PTPRN2: variants seen among roughly 807,000 people sequenced by gnomAD.
PTPRN2 encodes protein tyrosine phosphatase receptor type N2, also known as receptor-type tyrosine-protein phosphatase N2.
In PTPRN2, 74 loss-of-function variants were observed where a neutral mutation model predicts 118.8. That is an observed-to-expected ratio of 0.62 (90% CI 0.52 to 0.76). The LOEUF is 0.76. Ranked by LOEUF, PTPRN2 falls within the 30% of genes least tolerant of loss-of-function variation. PTPRN2 has a pLI of 0.00. For synonymous variants in PTPRN2, 641 were observed against 608.0 expected (o/e 1.05, Z -0.80); for missense variants, 1,481 against 1,394.4 (o/e 1.06, Z -0.99).
intron 12 of PTPRN2, among the ~76,000 whole-genome samples, chr7:157,748,684 G>A (rs1291871102): frequency 1.6e-4 from 24 of 146,510 alleles, no homozygotes; most frequent in Non-Finnish European, 3.0e-4. Context: ...TGAGGCCTGC[G>A]TCTATGAGCT....
At chr7:158,200,834 T>A (rs1004080029) in intron 4 of PTPRN2, among the ~76,000 whole-genome samples, 6 of 152,168 alleles carry the variant, frequency 3.9e-5, no homozygotes, top group Non-Finnish European at 8.8e-5. Context: ...CAATTACAGA[T>A]AATTTAGAAC....
intron 11 of PTPRN2, among the ~76,000 whole-genome samples, chr7:158,071,666 G>A (rs1173691718): frequency 3.1e-5 from 4 of 127,646 alleles, no homozygotes; most frequent in East Asian, 2.4e-4. Context: ...AGGTGCTCGT[G>A]GTGGTGGAGG....
intron 11 of PTPRN2, among the ~76,000 whole-genome samples, chr7:158,046,028 T>C (rs1185934579): frequency 1.4e-5 from 2 of 142,498 alleles, no homozygotes; most frequent in Non-Finnish European, 3.0e-5. Flanking sequence ...CCTTGTTCTG[T>C]CCAGGAGCAG....
chr7:158,293,995 G>A (rs1231372761), intron 3 of PTPRN2, among the ~76,000 whole-genome samples: 1 of 152,228 alleles, frequency 6.6e-6, no homozygotes, highest in African/African-American at 2.4e-5. Flanking sequence ...TAAAAAGAGT[G>A]CATTCTAAAA....
intron 3 of PTPRN2, among the ~76,000 whole-genome samples, chr7:158,264,026 G>A (rs1407326596): frequency 6.6e-6 from 1 of 152,150 alleles, no homozygotes; most frequent in African/African-American, 2.4e-5. Context: ...CCACTCTCAC[G>A]CTTCCCACCT....
At position 158,003,028 on chromosome 7, in the gene PTPRN2, G is replaced by C. The variant is rs1805384771; in HGVS notation, c.1723+78270C>G. 1.3e-5 allele frequency among the ~76,000 whole-genome samples: 2 copies of C among 152,168 alleles called. No individual in the cohort carries two copies. Among genetic ancestry groups the C allele is most frequent in the African/African-American group, 4.8e-5 (2 of 41,446 alleles). ...GCACAGGAGAGGGCAGGAGATGTTT[G>C]GCTTCTGTCATGAGCTGACCTGTGT... On this transcript the variant is annotated intron_variant, in intron 11 of 22. Coordinates refer to ENST00000389418, the MANE Select transcript of PTPRN2 (RefSeq NM_002847.5). The surrounding 1 kb of genome is among the most constrained non-coding windows in gnomAD (Gnocchi z 5.0).
intron 2 of PTPRN2, among the ~76,000 whole-genome samples, chr7:158,332,321 CA>C (rs1804642037): frequency 4.2e-5 from 2 of 47,166 alleles, no homozygotes; most frequent in Non-Finnish European, 1.1e-4. Flanking sequence ...ACACTCTCAC[CA>C]TAAGAGCTGA....
rs150591915 is a variant in PTPRN2, at chr7:157,709,391, G to A, written c.1789-26454C>T. 4.0e-3 allele frequency among the ~76,000 whole-genome samples: 608 copies of A among 152,322 alleles called. 3 individuals are homozygous for A. Among genetic ancestry groups the A allele is most frequent in the African/African-American group, 0.014 (589 of 41,562 alleles). On this transcript the variant is annotated intron_variant, in intron 12 of 22. Coordinates refer to ENST00000389418, the MANE Select transcript of PTPRN2 (RefSeq NM_002847.5). Reference sequence around the variant, plus strand: ...ATTCTTTCAGTCCTGGTCCTCCTGCGGGTAGCTGAGAGCCTAAGTGAGGTG... The same window carrying A: ...ATTCTTTCAGTCCTGGTCCTCCTGCAGGTAGCTGAGAGCCTAAGTGAGGTG...
intron 10 of PTPRN2, among the ~76,000 whole-genome samples, chr7:158,095,648 CCT>C (rs760624929): frequency 7.2e-5 from 11 of 152,142 alleles, no homozygotes; most frequent in Non-Finnish European, 1.3e-4. Context: ...CAAATAAGCC[CCT>C]GTTATGGGCC....
At position 157,903,647 on chromosome 7, in the gene PTPRN2, C is replaced by T. The variant is rs906620219; in HGVS notation, c.1724-4910G>A. 6.8e-6 allele frequency among the ~76,000 whole-genome samples: 1 copy of T among 146,398 alleles called. No homozygotes were observed. Among genetic ancestry groups the T allele is most frequent in the African/African-American group, 2.5e-5 (1 of 39,846 alleles). ...ATTAGTGTTTGGTTTTTTCTTTTTC[C>T]TTTTTTTTTTTTATACTAAAAGGTT... On this transcript the variant is annotated intron_variant, in intron 11 of 22. Coordinates refer to ENST00000389418, the MANE Select transcript of PTPRN2 (RefSeq NM_002847.5). The surrounding 1 kb of genome is among the most constrained non-coding windows in gnomAD (Gnocchi z 4.2).
rs376110942 is a variant in PTPRN2 at position 157,840,338 on chromosome 7, A to T, written c.1788+58335T>A. Among the ~76,000 whole-genome samples the T allele has an allele frequency of 3.8e-5, 4 of 105,766 alleles. No individual in the cohort carries two copies. In the East Asian group the frequency reaches 1.1e-3, roughly 30 times the overall value. 69.4% of individuals were successfully genotyped at this position (105,766 alleles called of 152,430 possible). ...ACGTGTGACTGTGTGACCGCGTGTG[A>T]CGTGTGGCCGCGTGTGACTGTGTGG... On this transcript the variant is annotated intron_variant, in intron 12 of 22. Coordinates refer to ENST00000389418, the MANE Select transcript of PTPRN2 (RefSeq NM_002847.5).
At chr7:157,730,479 C>A (rs1049639474) in intron 12 of PTPRN2, among the ~76,000 whole-genome samples, 1 of 152,188 alleles carries the variant, frequency 6.6e-6, no homozygotes, top group Non-Finnish European at 1.5e-5. Context: ...CACGCCTGGC[C>A]GAGGTGGTGC....
chr7:158,424,886 AC>A (rs1329418240), intron 2 of PTPRN2, among the ~76,000 whole-genome samples: 1 of 151,712 alleles, frequency 6.6e-6, no homozygotes, highest in Non-Finnish European at 1.5e-5. Flanking sequence ...TGTGCTCAGC[AC>A]CCTCAAGAAG....
chr7:157,623,201 T>C (rs1803372532), intron 14 of PTPRN2, among the ~76,000 whole-genome samples: 1 of 152,236 alleles, frequency 6.6e-6, no homozygotes, highest in African/African-American at 2.4e-5. Flanking sequence ...TTTTGGATGA[T>C]ATAATATTTA....
chr7:158,085,397 C>T (rs373129007), intron 10 of PTPRN2, among the ~76,000 whole-genome samples: 9 of 17,152 alleles, frequency 5.2e-4, no homozygotes, highest in South Asian at 8.3e-3. Flanking sequence ...TCCACACCCA[C>T]GACGCCCATC....
rs1450221067 is a variant in PTPRN2, at chr7:157,769,853, C to T, written c.1789-86916G>A. Among the ~76,000 whole-genome samples, 6 of 152,352 alleles carry T rather than the reference C, an allele frequency of 3.9e-5. No homozygotes were observed. The East Asian group carries it at 1.2e-3, about 29-fold the overall frequency. On this transcript the variant is annotated intron_variant, in intron 12 of 22. Coordinates refer to ENST00000389418, the MANE Select transcript of PTPRN2 (RefSeq NM_002847.5). ...TGGATTCCCTGGGGGCTGCCATGGG[C>T]CCCTCCCTGCCACCCGCCCCTTTGC...
chr7:158,331,663 G>A (rs11984318), intron 2 of PTPRN2, among the ~76,000 whole-genome samples: 103,671 of 110,134 alleles, frequency 0.94, 48,864 homozygotes, highest in Non-Finnish European at 0.96. Flanking sequence ...CGTCACTCAC[G>A]CCGACACTCT....
intron 12 of PTPRN2, among the ~76,000 whole-genome samples, chr7:157,752,837 G>A (rs1011931888): frequency 2.0e-5 from 3 of 152,378 alleles, no homozygotes; most frequent in Non-Finnish European, 2.9e-5. Flanking sequence ...GGCGAGGGCC[G>A]CCAAGACAAG....
At chr7:158,305,805 AAAG>A (rs1299813327) in intron 3 of PTPRN2, among the ~76,000 whole-genome samples, 8 of 152,008 alleles carry the variant, frequency 5.3e-5, no homozygotes, top group African/African-American at 9.6e-5. Context: ...AAAAAAAAAA[AAAG>A]AAAGAAAGAA....
Sources: gnomAD v4.1 joint callset for allele counts (sites outside exome capture counted in the v4.1 genomes callset) on GRCh38, gnomAD v4.1.1 for gene constraint, Gnocchi (gnomAD v3.1) non-coding constraint, MANE v1.5 for transcripts, NCBI Gene and HGNC (gene_info 2026-07-23, HGNC 2026-07-21) for gene names.